The following SRGAP1 variants were observed in gnomAD, a reference collection of about 807,000 sequenced individuals.
SRGAP1 encodes the protein SLIT-ROBO Rho GTPase-activating protein 1.
In SRGAP1, 43 loss-of-function variants were observed where a neutral mutation model predicts 121.9. That is an observed-to-expected ratio of 0.35 (90% confidence interval 0.28 to 0.46). The LOEUF (loss-of-function observed/expected upper bound fraction) is 0.46. SRGAP1 is among the 20% of genes least tolerant of loss of function. SRGAP1 has a pLI of 1.00. For synonymous variants in SRGAP1, 447 were observed against 485.4 expected (o/e 0.92, Z 1.04); for missense variants, 1,102 against 1,350.9 (o/e 0.82, Z 2.89).
chr12:63,981,894 G>C (rs1386823102), intron 1 of SRGAP1, among the ~76,000 whole-genome samples: 1 of 152,094 alleles, frequency 6.6e-6, no homozygotes, highest in East Asian at 1.9e-4. Flanking sequence ...ATAGGTGCCT[G>C]AAAAAAGGTT....
intron 10 of SRGAP1, chr12:64,080,959 A>G (rs1413335062): frequency 6.2e-6 from 1 of 162,392 alleles, no homozygotes; most frequent in African/African-American, 2.4e-5. Context: ...TCTCTGTGCC[A>G]GGCTTTGTTC....
At chr12:64,038,442 G>T (rs1046699167) in intron 4 of SRGAP1, 2 of 152,062 alleles carry the variant, frequency 1.3e-5, no homozygotes, top group African/African-American at 4.8e-5. Flanking sequence ...ATCCATTCCT[G>T]GGATCCGTGT....
intron 21 of SRGAP1, among the ~76,000 whole-genome samples, chr12:64,129,975 GGTTGTTGTTGTTGTT>G (rs57651653): frequency 6.6e-6 from 1 of 151,122 alleles, no homozygotes; most frequent in Non-Finnish European, 1.5e-5. Flanking sequence ...AGCAGGTCGT[GGTTGTTGTTGTTGTT>G]GTTGTTGTTG....
rs1431392523 is a variant in SRGAP1, at chr12:64,080,177, A to C, written c.1324-109A>C. The C allele has an allele frequency of 4.7e-5, 36 of 772,164 alleles. 1 individual carries two copies. In the South Asian group the frequency reaches 6.4e-4, roughly 14 times the overall value. 47.8% of individuals were successfully genotyped at this position (772,164 alleles called of 1,614,324 possible). On this transcript the variant is annotated intron_variant, in intron 9 of 21. Coordinates refer to ENST00000355086, the MANE Select transcript of SRGAP1 (RefSeq NM_020762.4). Reference sequence around the variant, plus strand: ...AGAATCGCTTGAACCCCAGAGGAAGAGGTTGCAGTGAGCCAAGATCGCGCC... The same window carrying C: ...AGAATCGCTTGAACCCCAGAGGAAGCGGTTGCAGTGAGCCAAGATCGCGCC...
intron 1 of SRGAP1, among the ~76,000 whole-genome samples, chr12:63,891,726 C>T (rs1177066394): frequency 6.6e-6 from 1 of 152,156 alleles, no homozygotes; most frequent in African/African-American, 2.4e-5. Context: ...GTGGTTCACA[C>T]CTGTAATCCC....
intron 1 of SRGAP1, among the ~76,000 whole-genome samples, chr12:63,875,233 C>G (rs1899991519): frequency 6.6e-6 from 1 of 152,144 alleles, no homozygotes; most frequent in African/African-American, 2.4e-5. Flanking sequence ...CAAATACAAG[C>G]TGGCTCTAAT....
intron 1 of SRGAP1, among the ~76,000 whole-genome samples, chr12:63,929,200 G>C (rs2031372077): frequency 6.6e-6 from 1 of 152,196 alleles, no homozygotes; most frequent in African/African-American, 2.4e-5. Context: ...AGGTAGTCAG[G>C]AGCCTGGAAT....
At position 64,089,095 on chromosome 12, in the gene SRGAP1, T is replaced by C. The variant is rs1027753011; in HGVS notation, c.1436+2069T>C. On this transcript the variant is annotated intron_variant, in intron 11 of 21. Coordinates refer to ENST00000355086, the MANE Select transcript of SRGAP1 (RefSeq NM_020762.4). ...AATTCCTAGCAGTAGTAGTAAGAACTGGCTTGCCAAGTGTGCCTTTTGTAT... is the reference window on the plus strand; with the variant it reads ...AATTCCTAGCAGTAGTAGTAAGAACCGGCTTGCCAAGTGTGCCTTTTGTAT... 2.6e-5 allele frequency among the ~76,000 whole-genome samples: 4 copies of C among 152,208 alleles called. No homozygotes were observed. In the East Asian group the frequency reaches 7.7e-4, roughly 29 times the overall value.
intron 15 of SRGAP1, among the ~76,000 whole-genome samples, chr12:64,107,825 C>G (rs1386860269): frequency 6.6e-6 from 1 of 152,074 alleles, no homozygotes; most frequent in East Asian, 1.9e-4. Context: ...AATATTTTCT[C>G]AAATGTATGC....
chr12:64,044,674 C>CTTTTTGTTTTTTTTT (rs2035090205), intron 6 of SRGAP1, among the ~76,000 whole-genome samples: 1 of 72,118 alleles, frequency 1.4e-5, no homozygotes, highest in Non-Finnish European at 2.9e-5. Flanking sequence ...TGATGTGCCT[C>CTTTTTGTTTTTTTTT]TTTTTTTTTT....
chr12:63,951,678 CTTTAT>C (rs1016899229), intron 1 of SRGAP1, among the ~76,000 whole-genome samples: 1 of 151,968 alleles, frequency 6.6e-6, no homozygotes, highest in African/African-American at 2.4e-5. Flanking sequence ...CACCATGGCT[CTTTAT>C]TTTATTTGAA....
intron 1 of SRGAP1, among the ~76,000 whole-genome samples, chr12:63,879,705 T>C (rs1332333899): frequency 6.6e-6 from 1 of 152,200 alleles, no homozygotes; most frequent in East Asian, 1.9e-4. Flanking sequence ...TTAATTACTC[T>C]TGGATAGAAT....
intron 4 of SRGAP1, among the ~76,000 whole-genome samples, chr12:64,035,364 C>T (rs1335521480): frequency 6.6e-6 from 1 of 152,234 alleles, no homozygotes; most frequent in Non-Finnish European, 1.5e-5. Context: ...TATCCACTTC[C>T]TATTTGTAGT....
chr12:63,916,345 C>A (rs923648077), intron 1 of SRGAP1, among the ~76,000 whole-genome samples: 3 of 152,120 alleles, frequency 2.0e-5, no homozygotes, highest in Admixed American at 2.0e-4. Flanking sequence ...TTTTATAATT[C>A]CTTCATTACA....
At chr12:63,859,372 G>T (rs1430120955) in intron 1 of SRGAP1, among the ~76,000 whole-genome samples, 1 of 152,044 alleles carries the variant, frequency 6.6e-6, no homozygotes, top group Non-Finnish European at 1.5e-5. Context: ...TCACCATGTT[G>T]AACAGGCTGG....
At chr12:64,120,931 T>G (rs1307395951) in intron 18 of SRGAP1, among the ~76,000 whole-genome samples, 1 of 152,174 alleles carries the variant, frequency 6.6e-6, no homozygotes, top group Non-Finnish European at 1.5e-5. Context: ...ATCCAGCATT[T>G]TTTGTTCATT....
rs2035052279 is a variant in SRGAP1 at position 64,042,878 on chromosome 12, T to C, written c.578T>C (p.Ile193Thr). Reference sequence around the variant, plus strand: ...GCCGAAAAACAAGAGGAAAAGCAAATTGGGAGATCTGGTGATCCAGTCTTC... The same window carrying C: ...GCCGAAAAACAAGAGGAAAAGCAAACTGGGAGATCTGGTGATCCAGTCTTC... ...KEAEKQEEKQ[I>T]GRSGDPVFHI... Residue 193 changes from isoleucine (I) to threonine (T), a missense_variant, in exon 5 of 22, where the codon ATT (isoleucine) becomes ACT (threonine). Transcript: ENST00000355086. 2 of 1,613,702 alleles carry C rather than the reference T, an allele frequency of 1.2e-6. No individual in the cohort carries two copies. The highest frequency in any genetic ancestry group is 1.7e-6 in the Non-Finnish European group (2 of 1,179,792).
At chr12:64,071,380 G>C (rs958842059) in intron 8 of SRGAP1, among the ~76,000 whole-genome samples, 1 of 152,172 alleles carries the variant, frequency 6.6e-6, no homozygotes, top group African/African-American at 2.4e-5. Flanking sequence ...TCCATGATTT[G>C]AAAGGATAAC....
chr12:63,893,303 C>T (rs565318740), intron 1 of SRGAP1, among the ~76,000 whole-genome samples: 1 of 152,052 alleles, frequency 6.6e-6, no homozygotes, highest in Admixed American at 6.5e-5. Flanking sequence ...GTGCTGAGTC[C>T]ATTATCATAA....
Sources: gnomAD v4.1 joint callset for allele counts (sites outside exome capture counted in the v4.1 genomes callset) on GRCh38, gnomAD v4.1.1 for gene constraint, MANE v1.5 for transcripts, NCBI Gene and HGNC (gene_info 2026-07-23, HGNC 2026-07-21) for gene names.